Variants in LYPD6 observed in about 807,000 individuals in gnomAD.
LYPD6 encodes the protein ly6/PLAUR domain-containing protein 6.
LYPD6 carries 15 observed loss-of-function variants against 22.7 expected under a neutral mutation model. The observed-to-expected ratio is 0.66, with a 90% CI of 0.44 to 1.02. The LOEUF is 1.02. LYPD6 is among the 50% of genes least tolerant of loss of function. LYPD6 has a pLI of 0.00. For missense variants in LYPD6, 189 were observed against 208.4 expected (o/e 0.91, Z 0.57); for synonymous variants, 72 against 77.5 (o/e 0.93, Z 0.37).
chr2:149,461,380 A>AT (rs1314588517), intron 3 of LYPD6, among the ~76,000 whole-genome samples: 4 of 151,766 alleles, frequency 2.6e-5, no homozygotes, highest in African/African-American at 4.8e-5. Flanking sequence ...ACTCCTAAGA[A>AT]TTTTTTTTAT....
At chr2:149,346,584 G>GT (rs1177375383) in intron 1 of LYPD6, among the ~76,000 whole-genome samples, 2 of 152,194 alleles carry the variant, frequency 1.3e-5, no homozygotes, top group Non-Finnish European at 2.9e-5. Context: ...GTTTGCATTT[G>GT]TTCTGTAGAT....
chr2:149,435,181 G>A (rs1183449278), intron 1 of LYPD6, among the ~76,000 whole-genome samples: 1 of 152,214 alleles, frequency 6.6e-6, no homozygotes, highest in Non-Finnish European at 1.5e-5. Context: ...GGAGACAGCA[G>A]CCTTGCCGAC....
At chr2:149,404,812 A>G (rs1228652424) in intron 1 of LYPD6, among the ~76,000 whole-genome samples, 5 of 152,152 alleles carry the variant, frequency 3.3e-5, no homozygotes, top group Admixed American at 2.6e-4. Flanking sequence ...GTCTTGTGCC[A>G]GTTTTCAAAG....
rs531639271 is a variant in LYPD6, at chr2:149,416,203, C to T, written c.-71-21435C>T. 2.0e-5 allele frequency among the ~76,000 whole-genome samples: 3 copies of T among 152,284 alleles called. No individual in the cohort carries two copies. In the South Asian group the frequency reaches 6.2e-4, roughly 32 times the overall value. ...TAATTTGGGGTCTGCAGTGGGTACT[C>T]ATCTTCTCCTTCCTGAGCTGCCCAC... On this transcript the variant is annotated intron_variant, in intron 1 of 4. Coordinates refer to ENST00000334166, the MANE Select transcript of LYPD6 (RefSeq NM_194317.5).
At chr2:149,336,939 G>GTGTGTTTGGTGTTAGGAAATAACT (rs1681046571) in intron 1 of LYPD6, among the ~76,000 whole-genome samples, 1 of 151,696 alleles carries the variant, frequency 6.6e-6, no homozygotes, top group Admixed American at 6.6e-5. Flanking sequence ...GTGTGTGTGT[G>GTGTGTTTGGTGTTAGGAAATAACT]TGTGTGTGTG....
intron 1 of LYPD6, among the ~76,000 whole-genome samples, chr2:149,416,093 G>A (rs564284180): frequency 2.6e-5 from 4 of 152,282 alleles, no homozygotes; most frequent in African/African-American, 9.6e-5. Context: ...CAGTGCCTCC[G>A]TGACTTCCAT....
intron 1 of LYPD6, among the ~76,000 whole-genome samples, chr2:149,392,030 G>T (rs984888379): frequency 6.6e-6 from 1 of 152,192 alleles, no homozygotes; most frequent in East Asian, 1.9e-4. Context: ...CAAGATCAAG[G>T]TGCCAGCCAA....
chr2:149,358,771 A>G (rs997351838), intron 1 of LYPD6, among the ~76,000 whole-genome samples: 1 of 152,070 alleles, frequency 6.6e-6, no homozygotes, highest in East Asian at 1.9e-4. Context: ...AGGAGGATGA[A>G]TATTCCTGTG....
chr2:149,451,106 G>T (rs1429125904), intron 3 of LYPD6, among the ~76,000 whole-genome samples: 1 of 152,184 alleles, frequency 6.6e-6, no homozygotes, highest in Non-Finnish European at 1.5e-5. Flanking sequence ...ATTTCTCGCA[G>T]TTCTTGAGGC....
chr2:149,355,488 C>T (rs1681433058), intron 1 of LYPD6, among the ~76,000 whole-genome samples: 1 of 152,180 alleles, frequency 6.6e-6, no homozygotes, highest in Non-Finnish European at 1.5e-5. Context: ...GTTTTTGATA[C>T]CCTTCCAAAA....
chr2:149,345,355 G>A (rs1671369062), intron 1 of LYPD6, among the ~76,000 whole-genome samples: 1 of 145,142 alleles, frequency 6.9e-6, no homozygotes, highest in Non-Finnish European at 1.5e-5. Flanking sequence ...TGCCCAGGCT[G>A]GAGTGCAGTG....
chr2:149,470,929 A>C lies in LYPD6; in HGVS notation c.*79A>C. 5 of 1,287,848 alleles carry C rather than the reference A, an allele frequency of 3.9e-6. No homozygotes were observed. In the South Asian group the frequency reaches 7.0e-5, roughly 18 times the overall value. The allele number at this position is 1,287,848 out of a possible 1,614,324, so 79.8% of individuals were successfully genotyped here. A position where few individuals can be genotyped will look rare whatever the true frequency, so the allele number is the denominator to read the frequency against. On this transcript the variant is annotated 3_prime_UTR_variant, in exon 5 of 5. Transcript: ENST00000334166. ...CAGACCTGCATGAGTCATTGGCCTG[A>C]CAGTAATTACACATGTGAGACACAA...
At chr2:149,451,318 G>A (rs1680800133) in intron 3 of LYPD6, among the ~76,000 whole-genome samples, 1 of 152,222 alleles carries the variant, frequency 6.6e-6, no homozygotes, top group South Asian at 2.1e-4. Flanking sequence ...GAGGGCTCCA[G>A]ACTCATGACT....
chr2:149,399,344 G>A (rs1388231780), intron 1 of LYPD6, among the ~76,000 whole-genome samples: 1 of 152,138 alleles, frequency 6.6e-6, no homozygotes, highest in African/African-American at 2.4e-5. Context: ...AGAGCTTAAA[G>A]TTATAATTGT....
intron 1 of LYPD6, among the ~76,000 whole-genome samples, chr2:149,388,684 C>G (rs1324972137): frequency 2.6e-5 from 4 of 152,230 alleles, no homozygotes; most frequent in East Asian, 3.9e-4. Flanking sequence ...GTTTCAAGGC[C>G]TGGCTTCTTT....
intron 1 of LYPD6, among the ~76,000 whole-genome samples, chr2:149,336,930 TGTGTGTGTGTG>T (rs1681045800): frequency 3.3e-5 from 5 of 150,820 alleles, no homozygotes; most frequent in African/African-American, 1.2e-4. Context: ...TGAAATAACG[TGTGTGTGTGTG>T]TGTGTGTGTG....
chr2:149,456,699 A>G (rs1478416347), intron 3 of LYPD6, among the ~76,000 whole-genome samples: 2 of 152,242 alleles, frequency 1.3e-5, no homozygotes, highest in Non-Finnish European at 2.9e-5. Context: ...GAGAGGCCTC[A>G]GAAGAAACCA....
At chr2:149,423,240 G>A (rs1683118886) in intron 1 of LYPD6, among the ~76,000 whole-genome samples, 2 of 152,270 alleles carry the variant, frequency 1.3e-5, no homozygotes, top group South Asian at 4.2e-4. Context: ...TATCTCAGGT[G>A]GGATGTGGAG....
intron 1 of LYPD6, among the ~76,000 whole-genome samples, chr2:149,386,469 G>A (rs1682187908): frequency 6.6e-6 from 1 of 152,190 alleles, no homozygotes; most frequent in Non-Finnish European, 1.5e-5. Flanking sequence ...CTTCAGCAGT[G>A]AGGGTGGAAA....
Sources: gnomAD v4.1 joint callset for allele counts (sites outside exome capture counted in the v4.1 genomes callset) on GRCh38, gnomAD v4.1.1 for gene constraint, MANE v1.5 for transcripts, NCBI Gene and HGNC (gene_info 2026-07-23, HGNC 2026-07-21) for gene names.